The following PTPN7 variants were observed in gnomAD, a reference collection of about 807,000 sequenced individuals.
The protein encoded by PTPN7 is protein tyrosine phosphatase non-receptor type 7.
PTPN7 carries 33 observed loss-of-function variants against 50.3 expected under a neutral mutation model. The observed-to-expected ratio is 0.66, with a 90% CI of 0.50 to 0.88. PTPN7 has a LOEUF of 0.88. PTPN7 is among the 40% of genes least tolerant of loss of function. The pLI is 0.00. For missense variants in PTPN7, 412 were observed against 475.4 expected (o/e 0.87, Z 1.24); for synonymous variants, 185 against 186.6 (o/e 0.99, Z 0.07).
chr1:202,153,903 G>GATACCAGCCCCTCT, intron 6 of PTPN7, 68 bp from the exon 7 acceptor site: 1 of 1,310,910 alleles, frequency 7.6e-7, no homozygotes, highest in Non-Finnish European at 1.1e-6. Context: ...GCAGAGAGGG[G>GATACCAGCCCCTCT]CTGGTATCTC....
In PTPN7 at chr1:202,159,238, G is replaced by A. The variant is rs763300587; in HGVS notation, c.122+43C>T. On this transcript the variant is annotated intron_variant, in intron 2 of 9. Transcript: ENST00000691036. The surrounding 1 kb of genome is among the most constrained non-coding windows in gnomAD (Gnocchi z 4.6). ...TGGAAGGAAGGGAGGAGCGGAATGGGGGCTCAGGGCTCGGAAGACCCCTCC... is the reference window on the plus strand; with the variant it reads ...TGGAAGGAAGGGAGGAGCGGAATGGAGGCTCAGGGCTCGGAAGACCCCTCC... 6.9e-6 allele frequency: 11 copies of A among 1,585,234 alleles called. No homozygotes were observed. Among genetic ancestry groups the A allele is most frequent in the Admixed American group, 1.7e-5 (1 of 59,594 alleles).
upstream of PTPN7, chr1:202,161,191 G>T: frequency 6.2e-6 from 7 of 1,124,770 alleles, no homozygotes; most frequent in African/African-American, 1.6e-5. Flanking sequence ...AAAGGGCCGG[G>T]GCCAGGCCAA....
chr1:202,153,616 A>G, intron 7 of PTPN7, 109 bp downstream of exon 7: 1 of 843,454 alleles, frequency 1.2e-6, no homozygotes, highest in South Asian at 1.6e-5. Flanking sequence ...TGGGTTTAAG[A>G]TGGTTTAGAA....
chr1:202,151,369 C>T (rs941099422), intron 8 of PTPN7, among the ~76,000 whole-genome samples: 2 of 152,226 alleles, frequency 1.3e-5, no homozygotes, highest in Non-Finnish European at 2.9e-5. Context: ...TCCCTTCCCT[C>T]TCTTCACTTG....
chr1:202,148,399 C>T lies in PTPN7; in HGVS notation c.*207G>A. ...GTCCATCTGGGGCCAACAGAGGAAGCAGAGGAGTGGCCAGTGTTGAAGACC... is the reference window on the plus strand; with the variant it reads ...GTCCATCTGGGGCCAACAGAGGAAGTAGAGGAGTGGCCAGTGTTGAAGACC... On this transcript the variant is annotated 3_prime_UTR_variant, in exon 10 of 10. Coordinates refer to ENST00000691036, the MANE Select transcript of PTPN7 (RefSeq NM_002832.4). The T allele has an allele frequency of 2.0e-6, 1 of 489,554 alleles. No homozygotes were observed. Among genetic ancestry groups the T allele is most frequent in the Non-Finnish European group, 3.6e-6 (1 of 274,182 alleles). 30.3% of individuals were successfully genotyped at this position (489,554 alleles called of 1,614,324 possible).
intron 2 of PTPN7, chr1:202,158,994 T>C (rs1657013120): frequency 6.9e-6 from 3 of 435,384 alleles, no homozygotes; most frequent in South Asian, 2.9e-5. Flanking sequence ...TGCCTGCCTC[T>C]TCCCACTCCC....
chr1:202,154,412 C>G, intron 5 of PTPN7, 89 bp from the exon 6 acceptor site: 1 of 1,488,550 alleles, frequency 6.7e-7, no homozygotes, highest in Non-Finnish European at 9.0e-7. Flanking sequence ...CTGGGGTCAG[C>G]CTGAAGCTGT....
Position 202,157,800 on chromosome 1 carries a change from G to A in PTPN7, c.330C>T (p.Ser110=). The A allele has an allele frequency of 6.2e-7, 1 of 1,614,158 alleles. No homozygotes were observed. The highest frequency in any genetic ancestry group is 8.5e-7 in the Non-Finnish European group (1 of 1,179,986). ...GGCCAGGGATGTCCAGGTCTTCGGG[G>A]CTGACAAAGTTTGAAGGGATCTTCT... The part of the protein sequence containing the change: ...EFLKIPSNFV[S]PEDLDIPGHA... The change falls in exon 4 of 10, where the codon AGC becomes AGT. Residue 110 remains serine, a synonymous_variant. Coordinates refer to ENST00000691036, the MANE Select transcript of PTPN7 (RefSeq NM_002832.4).
intron 7 of PTPN7, 28 bp downstream of exon 7, chr1:202,153,697 A>C: frequency 6.3e-7 from 1 of 1,581,094 alleles, no homozygotes; most frequent in Non-Finnish European, 8.7e-7. Context: ...CCAACTTCCC[A>C]CTGGGCCTGG....
At chr1:202,161,386 C>G, upstream of PTPN7, 1 of 1,272,606 alleles carries the variant, frequency 7.9e-7, no homozygotes, top group Non-Finnish European at 1.0e-6. Context: ...AGAAGACTTA[C>G]AGACAGTGGA....
At chr1:202,157,424 G>A (rs1433044114) in intron 4 of PTPN7, among the ~76,000 whole-genome samples, 1 of 151,966 alleles carries the variant, frequency 6.6e-6, no homozygotes, top group Non-Finnish European at 1.5e-5. Flanking sequence ...CAGGAGAATC[G>A]CTTGAACCCG....
At chr1:202,154,094 C>T in intron 6 of PTPN7, 92 bp downstream of exon 6, 1 of 1,568,052 alleles carries the variant, frequency 6.4e-7, no homozygotes, top group Non-Finnish European at 8.7e-7. Context: ...CCCAGGGAAA[C>T]CTCTGGTTCT....
At chr1:202,149,571 A>G (rs1655694459) in intron 9 of PTPN7, among the ~76,000 whole-genome samples, 1 of 152,110 alleles carries the variant, frequency 6.6e-6, no homozygotes. Context: ...CCAAGTGGGC[A>G]TTGTTGAGCC....
In PTPN7 at chr1:202,159,157, T is replaced by C. The variant is rs781149850; in HGVS notation, c.122+124A>G. On this transcript the variant is annotated intron_variant, in intron 2 of 9. Transcript: ENST00000691036. This position sits in a 1 kb window ranked among gnomAD's most constrained non-coding sequence, Gnocchi z 4.6. Reference sequence around the variant, plus strand: ...GAGCACTACTGGTTTCCTTTCCAAATTGGAGTCAACAACTGAGGGCCCTCT... The same window carrying C: ...GAGCACTACTGGTTTCCTTTCCAAACTGGAGTCAACAACTGAGGGCCCTCT... 10 of 890,628 alleles carry C rather than the reference T, an allele frequency of 1.1e-5. No homozygotes were observed. Among genetic ancestry groups the C allele is most frequent in the Non-Finnish European group, 1.8e-5 (10 of 562,896 alleles). The allele number at this position is 890,628 out of a possible 1,614,324, so 55.2% of individuals were successfully genotyped here.
chr1:202,150,225 G>T, intron 9 of PTPN7, 86 bp downstream of exon 9: 1 of 1,013,502 alleles, frequency 9.9e-7, no homozygotes, highest in Non-Finnish European at 1.5e-6. Flanking sequence ...GTGCTTGATG[G>T]TGATGGGCCT....
At chr1:202,155,156 T>C (rs1451946901) in intron 5 of PTPN7, among the ~76,000 whole-genome samples, 1 of 152,086 alleles carries the variant, frequency 6.6e-6, no homozygotes, top group African/African-American at 2.4e-5. Flanking sequence ...TTAAGGTAAG[T>C]TGGCGGGGAG....
chr1:202,155,566 C>T lies in PTPN7; in HGVS notation c.435G>A (p.Glu145=). 6.4e-7 allele frequency: 1 copy of T among 1,574,236 alleles called. No individual in the cohort carries two copies. The highest frequency in any genetic ancestry group is 8.7e-7 in the Non-Finnish European group (1 of 1,143,930). ...RVCLGRAQSQ[E]DGDYINANYI... ...AGTTGGCATTGATGTAATCTCCGTC[C>T]TCCTGGCTCTGTGCCCGGCCTAGAC... is the stretch of plus-strand genomic sequence containing the variant. The change falls in exon 5 of 10, where the codon GAG becomes GAA. Residue 145 remains glutamate, a synonymous_variant. Transcript: ENST00000691036.
In PTPN7 at chr1:202,148,532, G is replaced by A. The variant is rs1655566783; in HGVS notation, c.*74C>T. 10 of 1,378,574 alleles carry A rather than the reference G, an allele frequency of 7.3e-6. No homozygotes were observed. Among genetic ancestry groups the A allele is most frequent in the South Asian group, 3.7e-5 (3 of 81,852 alleles). 85.4% of individuals were successfully genotyped at this position (1,378,574 alleles called of 1,614,324 possible). A position where few individuals can be genotyped will look rare whatever the true frequency, so the allele number is the denominator to read the frequency against. On this transcript the variant is annotated 3_prime_UTR_variant, in exon 10 of 10. Coordinates refer to ENST00000691036, the MANE Select transcript of PTPN7 (RefSeq NM_002832.4). Reference sequence around the variant, plus strand: ...CCCAAGGGGTACCCCCAGATCACTCGGCCCACTTTCCCCAGACCCACCTTC... The same window carrying A: ...CCCAAGGGGTACCCCCAGATCACTCAGCCCACTTTCCCCAGACCCACCTTC...
chr1:202,153,641 C>T (rs1656296976), intron 7 of PTPN7, 84 bp downstream of exon 7: 1 of 1,117,718 alleles, frequency 8.9e-7, no homozygotes, highest in Non-Finnish European at 1.4e-6. Flanking sequence ...AAACCCTTGG[C>T]TCCTAGTGAA....
Sources: gnomAD v4.1 joint callset for allele counts (sites outside exome capture counted in the v4.1 genomes callset) on GRCh38, gnomAD v4.1.1 for gene constraint, Gnocchi (gnomAD v3.1) non-coding constraint, MANE v1.5 for transcripts, NCBI Gene and HGNC (gene_info 2026-07-23, HGNC 2026-07-21) for gene names.